The following SYNDIG1 variants were observed in gnomAD, a reference collection of about 807,000 sequenced individuals.
The protein encoded by SYNDIG1 is synapse differentiation-inducing gene protein 1.
In SYNDIG1, 9 loss-of-function variants were observed where a neutral mutation model predicts 19.4. That is an observed-to-expected ratio of 0.46 (90% confidence interval 0.28 to 0.81). The LOEUF (loss-of-function observed/expected upper bound fraction) is 0.81. Ranked by LOEUF, SYNDIG1 falls within the 30% of genes least tolerant of loss-of-function variation. The probability of loss-of-function intolerance (pLI) is 0.12; values close to 1 mark genes in which losing one functional copy is unlikely to be tolerated. For synonymous variants in SYNDIG1, 141 were observed against 145.9 expected (o/e 0.97, Z 0.24); for missense variants, 311 against 343.3 (o/e 0.91, Z 0.74).
chr20:24,636,741 T>A (rs1399043932), intron 3 of SYNDIG1, among the ~76,000 whole-genome samples: 1 of 152,242 alleles, frequency 6.6e-6, no homozygotes, highest in East Asian at 1.9e-4. Flanking sequence ...CTTATCTATG[T>A]CTGCAGCTCA....
intron 2 of SYNDIG1, among the ~76,000 whole-genome samples, chr20:24,579,793 A>G (rs1185949018): frequency 6.6e-6 from 1 of 152,222 alleles, no homozygotes; most frequent in South Asian, 2.1e-4. Flanking sequence ...AGCACAGAGA[A>G]GTGAGCCATG....
chr20:24,572,743 C>T (rs1195553089), intron 2 of SYNDIG1, among the ~76,000 whole-genome samples: 2 of 152,156 alleles, frequency 1.3e-5, no homozygotes, highest in Non-Finnish European at 2.9e-5. Flanking sequence ...AAAGGCCAGA[C>T]TCAAAAGGTT....
chr20:24,505,042 G>A (rs1325289208), intron 1 of SYNDIG1, among the ~76,000 whole-genome samples: 1 of 152,174 alleles, frequency 6.6e-6, no homozygotes, highest in Non-Finnish European at 1.5e-5. Context: ...CAGATCCCAG[G>A]TGTGGGGCAA....
At chr20:24,494,706 C>G (rs2056251883) in intron 1 of SYNDIG1, among the ~76,000 whole-genome samples, 1 of 152,178 alleles carries the variant, frequency 6.6e-6, no homozygotes, top group South Asian at 2.1e-4. Context: ...CACCCTGTCC[C>G]TTTGCCCTGC....
intron 1 of SYNDIG1, among the ~76,000 whole-genome samples, chr20:24,499,473 C>T (rs942177027): frequency 6.6e-6 from 1 of 152,208 alleles, no homozygotes; most frequent in Non-Finnish European, 1.5e-5. Context: ...TATTCACCAC[C>T]ACCCTACTCT....
chr20:24,632,175 G>A (rs1345287833), intron 3 of SYNDIG1, among the ~76,000 whole-genome samples: 3 of 152,236 alleles, frequency 2.0e-5, no homozygotes, highest in African/African-American at 7.2e-5. Context: ...GAGTTTGGAA[G>A]TCAGCCTATC....
intron 1 of SYNDIG1, among the ~76,000 whole-genome samples, chr20:24,490,549 C>A (rs1021800632): frequency 6.6e-6 from 1 of 152,166 alleles, no homozygotes. Context: ...CTTGGGAGAT[C>A]ATTCAACCTC....
intron 3 of SYNDIG1, among the ~76,000 whole-genome samples, chr20:24,653,961 T>C (rs1210736553): frequency 6.6e-6 from 1 of 152,204 alleles, no homozygotes. Context: ...AGGCCCTATC[T>C]TCAAATACAG....
chr20:24,503,554 A>G (rs1279649012), intron 1 of SYNDIG1, among the ~76,000 whole-genome samples: 1 of 152,084 alleles, frequency 6.6e-6, no homozygotes. Context: ...TCATAGAAGC[A>G]ATGAGCGTCA....
chr20:24,535,706 T>G (rs895923617), intron 1 of SYNDIG1, among the ~76,000 whole-genome samples: 2 of 152,204 alleles, frequency 1.3e-5, no homozygotes, highest in Non-Finnish European at 2.9e-5. Flanking sequence ...GTGACACCAC[T>G]CTGAGTCTGG....
At position 24,519,827 on chromosome 20, in the gene SYNDIG1, G is replaced by A. The variant is rs555909400; in HGVS notation, c.-78-23193G>A. On this transcript the variant is annotated intron_variant, in intron 1 of 3. Coordinates refer to ENST00000376862, the MANE Select transcript of SYNDIG1 (RefSeq NM_024893.3). ...TAGACAGACAGACAGACACACGCAC[G>A]CACGCGCACATGCACACACACACAC... 1.5e-4 allele frequency among the ~76,000 whole-genome samples: 22 copies of A among 150,910 alleles called. No individual in the cohort carries two copies. The South Asian group carries it at 3.4e-3, about 23-fold the overall frequency.
chr20:24,607,650 C>T (rs757478939), intron 3 of SYNDIG1, among the ~76,000 whole-genome samples: 13 of 152,198 alleles, frequency 8.5e-5, no homozygotes, highest in Non-Finnish European at 1.8e-4. Context: ...CTTCAAGGGC[C>T]GAAATTCACA....
rs1004398104 is a variant in SYNDIG1 at position 24,631,330 on chromosome 20, G to A, written c.619-34016G>A. 5.3e-5 allele frequency among the ~76,000 whole-genome samples: 8 copies of A among 152,164 alleles called. 1 individual carries two copies. Among genetic ancestry groups the A allele is most frequent in the Non-Finnish European group, 7.3e-5 (5 of 68,036 alleles). ...ACTCCTGCGGCGGGCATTGCCATGC[G>A]TCAGGGTGAGCTCCGGGGCAGGTGG... On this transcript the variant is annotated intron_variant, in intron 3 of 3. Coordinates refer to ENST00000376862, the MANE Select transcript of SYNDIG1 (RefSeq NM_024893.3).
At chr20:24,635,154 C>T (rs4140547) in intron 3 of SYNDIG1, among the ~76,000 whole-genome samples, 30,945 of 152,086 alleles carry the variant, frequency 0.2, 3,530 homozygotes, top group East Asian at 0.48. Context: ...GAAGACCTCA[C>T]TTGTCTCCTG....
Position 24,478,365 on chromosome 20 carries a change from G to A in SYNDIG1, c.-79+8612G>A, listed in dbSNP as rs564692522. On this transcript the variant is annotated intron_variant, in intron 1 of 3. Transcript: ENST00000376862. ...GGCTGTTATTCTGTGTGACTCCCTC[G>A]GCGAGCTCCCCAGATGCCTGTTTGA... 5.3e-5 allele frequency among the ~76,000 whole-genome samples: 8 copies of A among 152,174 alleles called. 1 individual carries two copies. Among genetic ancestry groups the A allele is most frequent in the Admixed American group, 5.2e-4 (8 of 15,278 alleles).
chr20:24,517,642 A>G lies in SYNDIG1; in HGVS notation c.-78-25378A>G, dbSNP rs1406526441. ...TCAAAAAAAAAAAGTATATATATAT[A>G]TATACACATATATATATACACACAT... On this transcript the variant is annotated intron_variant, in intron 1 of 3. Transcript: ENST00000376862. Among the ~76,000 whole-genome samples, 5 of 145,226 alleles carry G rather than the reference A, an allele frequency of 3.4e-5. No individual in the cohort carries two copies. The East Asian group carries it at 8.0e-4, about 23-fold the overall frequency.
intron 3 of SYNDIG1, among the ~76,000 whole-genome samples, chr20:24,616,161 T>C (rs1280798284): frequency 6.6e-6 from 1 of 152,230 alleles, no homozygotes; most frequent in Non-Finnish European, 1.5e-5. Context: ...TATATTTCTA[T>C]ATTGATTATG....
chr20:24,516,924 G>T (rs1600497025), intron 1 of SYNDIG1, among the ~76,000 whole-genome samples: 1 of 152,192 alleles, frequency 6.6e-6, no homozygotes, highest in African/African-American at 2.4e-5. Flanking sequence ...ATGATAGACT[G>T]GATTAAGAAA....
chr20:24,549,551 G>T (rs1187016747), intron 2 of SYNDIG1, among the ~76,000 whole-genome samples: 2 of 152,170 alleles, frequency 1.3e-5, no homozygotes, highest in Admixed American at 1.3e-4. Context: ...TGCAGAGGCT[G>T]GGGCGAGTGC....
Sources: allele counts gnomAD v4.1 joint callset (sites outside exome capture counted in the v4.1 genomes callset), GRCh38; gene constraint gnomAD v4.1.1; transcripts MANE v1.5; gene names NCBI Gene and HGNC (gene_info 2026-07-23, HGNC 2026-07-21).